The following ANKS1B variants were observed in gnomAD, a reference collection of about 807,000 sequenced individuals.
The protein encoded by ANKS1B is ankyrin repeat and sterile alpha motif domain-containing protein 1B.
In ANKS1B, 36 loss-of-function variants were observed where a neutral mutation model predicts 148.3. That is an observed-to-expected ratio of 0.24 (90% CI 0.19 to 0.32). The LOEUF (loss-of-function observed/expected upper bound fraction) is 0.32. ANKS1B is among the 10% of genes least tolerant of loss of function. The pLI is 1.00. For missense variants in ANKS1B, 1,157 were observed against 1,542.6 expected (o/e 0.75, Z 4.19); for synonymous variants, 542 against 560.8 (o/e 0.97, Z 0.47).
intron 17 of ANKS1B, among the ~76,000 whole-genome samples, chr12:98,891,069 A>C (rs1448657970): frequency 1.3e-5 from 2 of 152,220 alleles, no homozygotes; most frequent in African/African-American, 2.4e-5. Flanking sequence ...ATTAATTCCA[A>C]ACACTAAAGA....
At chr12:99,564,815 TC>T (rs1364056134) in intron 9 of ANKS1B, among the ~76,000 whole-genome samples, 27 of 152,158 alleles carry the variant, frequency 1.8e-4, no homozygotes, top group Non-Finnish European at 2.9e-4. Context: ...TTAATTACAT[TC>T]ATTACCACTG....
At chr12:99,738,428 G>A (rs1423672696) in intron 8 of ANKS1B, among the ~76,000 whole-genome samples, 1 of 152,064 alleles carries the variant, frequency 6.6e-6, no homozygotes, top group African/African-American at 2.4e-5. Flanking sequence ...CACATTCTAT[G>A]TCTGAAAAAG....
chr12:99,074,772 T>C (rs1271384723), intron 16 of ANKS1B, among the ~76,000 whole-genome samples: 3 of 152,228 alleles, frequency 2.0e-5, no homozygotes, highest in Non-Finnish European at 4.4e-5. Flanking sequence ...CATCCTAACC[T>C]GACCCATTCA....
chr12:99,668,510 T>C (rs963416319), intron 8 of ANKS1B, among the ~76,000 whole-genome samples: 1 of 152,128 alleles, frequency 6.6e-6, no homozygotes, highest in Non-Finnish European at 1.5e-5. Flanking sequence ...TCCTAAGCAC[T>C]GCACTAGCTT....
At chr12:99,009,840 G>GC (rs755152355) in intron 17 of ANKS1B, among the ~76,000 whole-genome samples, 5 of 99,786 alleles carry the variant, frequency 5.0e-5, no homozygotes, top group African/African-American at 1.1e-4. Flanking sequence ...AGTCATCTAT[G>GC]CAAAAAAAAA....
chr12:99,689,987 T>C (rs80203793), intron 8 of ANKS1B, among the ~76,000 whole-genome samples: 3,207 of 152,238 alleles, frequency 0.021, 133 homozygotes, highest in African/African-American at 0.073. Context: ...AGAGGTTTAA[T>C]TGCCTCACAG....
At chr12:99,046,364 A>G (rs1341434678) in intron 17 of ANKS1B, among the ~76,000 whole-genome samples, 2 of 152,202 alleles carry the variant, frequency 1.3e-5, no homozygotes, top group Non-Finnish European at 2.9e-5. Flanking sequence ...GCAAGGAGAA[A>G]AATCAATAAA....
Position 99,246,654 on chromosome 12 carries a change from T to G in ANKS1B, c.1967A>C (p.Asn656Thr). The G allele has an allele frequency of 6.2e-7, 1 of 1,613,766 alleles. No homozygotes were observed. The highest frequency in any genetic ancestry group is 1.1e-5 in the South Asian group (1 of 91,068). Residue 656 changes from asparagine (N) to threonine (T), a missense_variant, in exon 13 of 27, where the codon AAC becomes ACC. Transcript: ENST00000683438. ...AATTTTCTTTACCAAAGGTTCTGAG[T>G]TATTTTCTATTGGAGACTGCTTGAA... ...LPFKQSPIEN[N>T]SEPLVKKIKP...
chr12:99,283,372 T>C (rs1460342686), intron 12 of ANKS1B, among the ~76,000 whole-genome samples: 1 of 152,196 alleles, frequency 6.6e-6, no homozygotes, highest in Non-Finnish European at 1.5e-5. Flanking sequence ...AAGAGCCTCA[T>C]TATTCTTCAG....
At chr12:99,874,365 C>G (rs1314856163) in intron 1 of ANKS1B, among the ~76,000 whole-genome samples, 1 of 152,108 alleles carries the variant, frequency 6.6e-6, no homozygotes, top group Non-Finnish European at 1.5e-5. Context: ...AGAACTGTTA[C>G]AGCTCACCAA....
At chr12:99,839,098 A>G (rs1401771075) in intron 1 of ANKS1B, among the ~76,000 whole-genome samples, 4 of 152,178 alleles carry the variant, frequency 2.6e-5, no homozygotes, top group Non-Finnish European at 4.4e-5. Context: ...TAGTCAGACC[A>G]GGCACAGTAG....
intron 10 of ANKS1B, among the ~76,000 whole-genome samples, chr12:99,461,293 G>A (rs2095962515): frequency 6.6e-6 from 1 of 152,006 alleles, no homozygotes; most frequent in African/African-American, 2.4e-5. Flanking sequence ...TGGAAGGGCA[G>A]TGAGGGATAA....
chr12:99,747,457 T>C (rs1277272961), intron 8 of ANKS1B, among the ~76,000 whole-genome samples: 1 of 152,068 alleles, frequency 6.6e-6, no homozygotes, highest in South Asian at 2.1e-4. Context: ...TGCAACTGTT[T>C]CCTAACTGAT....
chr12:99,829,177 T>C (rs2083589980), intron 1 of ANKS1B, among the ~76,000 whole-genome samples: 1 of 151,476 alleles, frequency 6.6e-6, no homozygotes, highest in Non-Finnish European at 1.5e-5. Flanking sequence ...AGACATCATT[T>C]TAAAAATTAT....
intron 17 of ANKS1B, among the ~76,000 whole-genome samples, chr12:98,909,246 C>T (rs1596683259): frequency 6.6e-6 from 1 of 152,130 alleles, no homozygotes; most frequent in African/African-American, 2.4e-5. Context: ...CCATCAGGTT[C>T]CGCACAGAGT....
At position 99,895,903 on chromosome 12, in the gene ANKS1B, G is replaced by A. The variant is rs1038849816; in HGVS notation, c.135-70514C>T. ...TCATTTATAGAAGCCCTGCTTTTAC[G>A]TTTCATATTCTAGATTTTTGGATAA... On this transcript the variant is annotated intron_variant, in intron 1 of 26. Coordinates refer to ENST00000683438, the MANE Select transcript of ANKS1B (RefSeq NM_001352186.2). Among the ~76,000 whole-genome samples the A allele has an allele frequency of 7.9e-5, 12 of 151,162 alleles. 1 individual carries two copies. The highest frequency in any genetic ancestry group is 2.2e-4 in the African/African-American group (9 of 41,338).
chr12:99,279,765 G>C (rs1341411961), intron 12 of ANKS1B, among the ~76,000 whole-genome samples: 2 of 152,148 alleles, frequency 1.3e-5, no homozygotes, highest in African/African-American at 2.4e-5. Flanking sequence ...TGTAATCCTA[G>C]CACTTTGGGA....
intron 23 of ANKS1B, chr12:98,781,427 C>A: frequency 1.6e-6 from 1 of 624,070 alleles, no homozygotes; most frequent in Admixed American, 2.1e-5. Flanking sequence ...ATAAAGTTAT[C>A]CGTCTTGCCC....
chr12:98,774,765 G>T (rs934363754), intron 24 of ANKS1B, among the ~76,000 whole-genome samples: 1 of 152,140 alleles, frequency 6.6e-6, no homozygotes, highest in Non-Finnish European at 1.5e-5. Context: ...ACTTTACCAA[G>T]CTGAGTGGTT....
Sources: allele counts gnomAD v4.1 joint callset (sites outside exome capture counted in the v4.1 genomes callset), GRCh38; gene constraint gnomAD v4.1.1; transcripts MANE v1.5; gene names NCBI Gene and HGNC (gene_info 2026-07-23, HGNC 2026-07-21).